Variants in DEF6 observed in about 807,000 individuals in gnomAD.
DEF6 encodes the protein DEF6 guanine nucleotide exchange factor, also known as differentially expressed in FDCP 6 homolog.
In DEF6, 32 loss-of-function variants were observed where a neutral mutation model predicts 80.5. The observed-to-expected ratio is 0.40, with a 90% CI of 0.30 to 0.53. The LOEUF (loss-of-function observed/expected upper bound fraction) is 0.53. Ranked by LOEUF, DEF6 falls within the 20% of genes least tolerant of loss-of-function variation. The probability of loss-of-function intolerance (pLI) is 0.57; values close to 1 mark genes in which losing one functional copy is unlikely to be tolerated. For synonymous variants in DEF6, 300 were observed against 337.9 expected (o/e 0.89, Z 1.23); for missense variants, 575 against 818.7 (o/e 0.70, Z 3.63).
intron 1 of DEF6, among the ~76,000 whole-genome samples, chr6:35,309,035 A>G (rs975359332): frequency 2.6e-5 from 4 of 152,092 alleles, no homozygotes; most frequent in African/African-American, 9.7e-5. Flanking sequence ...ACCATTTTTC[A>G]TGACCCTTCT....
chr6:35,317,930 G>T lies in DEF6; in HGVS notation c.847G>T (p.Val283Leu). Residue 283 changes from valine (V) to leucine (L), a missense_variant, in exon 6 of 11, where the codon GTG becomes TTG. Physicochemically the swap from Val to Leu is conservative, Grantham distance 32. Coordinates refer to ENST00000316637, the MANE Select transcript of DEF6 (RefSeq NM_022047.4). ...CGACGGAAAGCGCTGCATGTTCTGTGTGAAGACAGCCAACCGCACGTATGA... is the reference window on the plus strand; with the variant it reads ...CGACGGAAAGCGCTGCATGTTCTGTTTGAAGACAGCCAACCGCACGTATGA... ...DRDGKRCMFC[V>L]KTANRTYEMS... 1 of 1,614,032 alleles carries T rather than the reference G, an allele frequency of 6.2e-7. No homozygotes were observed. The highest frequency in any genetic ancestry group is 8.5e-7 in the Non-Finnish European group (1 of 1,180,006).
Position 35,318,432 on chromosome 6 carries a change from G to A in DEF6, c.1176G>A (p.Leu392=), listed in dbSNP as rs1321554688. The change falls in exon 7 of 11, where the codon CTG becomes CTA. Residue 392 remains leucine, a synonymous_variant. Coordinates refer to ENST00000316637, the MANE Select transcript of DEF6 (RefSeq NM_022047.4). The surrounding 1 kb of genome is among the most constrained non-coding windows in gnomAD (Gnocchi z 5.1). ...GGCGCCGCAGCCAGCACCGCGAGCT[G>A]CAGCAGGCGCTCGAGGGCCAACTGC... ...EERRRSQHRE[L]QQALEGQLRE... is the part of the protein sequence containing the mutation. 3 of 1,496,758 alleles carry A rather than the reference G, an allele frequency of 2.0e-6. No individual in the cohort carries two copies. In the African/African-American group the frequency reaches 4.3e-5, roughly 22 times the overall value. 92.7% of individuals were successfully genotyped at this position (1,496,758 alleles called of 1,614,324 possible).
In DEF6 at chr6:35,312,289, TCTC is replaced by T; in HGVS notation, c.424-10_424-8del. ...CCTGCTGCAGCTACCAGGCCTTCCT[TCTC>T]CTGCTCCAGGTGGAATACCTGCTGA... On this transcript the variant is annotated splice_polypyrimidine_tract_variant and intron_variant, in intron 3 of 10. Transcript: ENST00000316637. The surrounding 1 kb of genome is among the most constrained non-coding windows in gnomAD (Gnocchi z 6.6). 1.2e-6 allele frequency: 2 copies of T among 1,610,584 alleles called. No homozygotes were observed. The highest frequency in any genetic ancestry group is 2.2e-5 in the South Asian group (2 of 90,876).
In DEF6 at chr6:35,297,935, T is replaced by C; in HGVS notation, c.79T>C (p.Ser27Pro). 1 of 1,603,196 alleles carries C rather than the reference T, an allele frequency of 6.2e-7. No homozygotes were observed. Among genetic ancestry groups the C allele is most frequent in the Admixed American group, 1.7e-5 (1 of 58,148 alleles). ...ALDVEKSGKV[S>P]KSQLKVLSHN... ...GGACGTGGAGAAGAGTGGCAAAGTC[T>C]CCAAGTCCCAGCTCAAGGTGAGGGG... The change falls in exon 1 of 11, where the codon TCC becomes CCC. Residue 27 changes from serine (S) to proline (P), a missense_variant. Coordinates refer to ENST00000316637, the MANE Select transcript of DEF6 (RefSeq NM_022047.4).
At position 35,319,329 on chromosome 6, in the gene DEF6, C is replaced by T. The variant is rs1354855216; in HGVS notation, c.1216-195C>T. Among the ~76,000 whole-genome samples, 2 of 152,090 alleles carry T rather than the reference C, an allele frequency of 1.3e-5. No individual in the cohort carries two copies. The highest frequency in any genetic ancestry group is 2.1e-4 in the South Asian group (1 of 4,830). ...AAATAACTTGAGCCCGTTTCCCCCACGTGGCATCTGTTCACCGACCATTAT... is the reference window on the plus strand; with the variant it reads ...AAATAACTTGAGCCCGTTTCCCCCATGTGGCATCTGTTCACCGACCATTAT... On this transcript the variant is annotated intron_variant, in intron 7 of 10. Transcript: ENST00000316637. The surrounding 1 kb of genome is among the most constrained non-coding windows in gnomAD (Gnocchi z 4.5).
chr6:35,319,425 C>T lies in DEF6; in HGVS notation c.1216-99C>T. On this transcript the variant is annotated intron_variant, in intron 7 of 10. Coordinates refer to ENST00000316637, the MANE Select transcript of DEF6 (RefSeq NM_022047.4). The surrounding 1 kb of genome is among the most constrained non-coding windows in gnomAD (Gnocchi z 4.5). Reference sequence around the variant, plus strand: ...AACATGAAGGAGTTCCCCAGACCCTCACCCCTAGGCAGCTTAGCAACATGC... The same window carrying T: ...AACATGAAGGAGTTCCCCAGACCCTTACCCCTAGGCAGCTTAGCAACATGC... 3 of 858,948 alleles carry T rather than the reference C, an allele frequency of 3.5e-6. No individual in the cohort carries two copies. Among genetic ancestry groups the T allele is most frequent in the Non-Finnish European group, 5.4e-6 (3 of 554,178 alleles). 53.2% of individuals were successfully genotyped at this position (858,948 alleles called of 1,614,324 possible).
intron 1 of DEF6, 102 bp downstream of exon 1, chr6:35,298,054 A>AGT: frequency 9.6e-7 from 1 of 1,046,042 alleles, no homozygotes; most frequent in Non-Finnish European, 1.4e-6. Flanking sequence ...AGGGGCACCC[A>AGT]GCCATCCAGC....
In DEF6 at chr6:35,318,179, A is replaced by G. The variant is rs1292547505; in HGVS notation, c.923A>G (p.Gln308Arg). The G allele has an allele frequency of 1.3e-6, 2 of 1,561,550 alleles. No homozygotes were observed. The highest frequency in any genetic ancestry group is 1.7e-6 in the Non-Finnish European group (2 of 1,155,830). ...CGCTCCCGCTCTTCGGCAGCCATCC[A>G]GATGGCGATCCGGCTGCAGGCCGAG... The part of the protein sequence containing the change: ...RQRQEWTAAI[Q>R]MAIRLQAEGK... Residue 308 changes from glutamine to arginine, a missense_variant, in exon 7 of 11, where the codon CAG (glutamine) becomes CGG (arginine). Physicochemically the swap from Gln to Arg is conservative, Grantham distance 43. Coordinates refer to ENST00000316637, the MANE Select transcript of DEF6 (RefSeq NM_022047.4). This position sits in a 1 kb window ranked among gnomAD's most constrained non-coding sequence, Gnocchi z 5.1.
At chr6:35,321,045 G>A in intron 10 of DEF6, 71 bp downstream of exon 10, 1 of 1,577,010 alleles carries the variant, frequency 6.3e-7, no homozygotes. Flanking sequence ...GGTCTCCCTG[G>A]GAGACCTCCA....
At chr6:35,320,045 G>A (rs1306323260) in intron 9 of DEF6, 28 bp downstream of exon 9, 4 of 1,549,364 alleles carry the variant, frequency 2.6e-6, no homozygotes, top group South Asian at 1.2e-5. Context: ...ATGGGGTGGA[G>A]GCTGGCAGGG....
intron 2 of DEF6, 122 bp from the exon 3 acceptor site, chr6:35,310,337 A>G (rs767120802): frequency 3.0e-6 from 3 of 995,848 alleles, no homozygotes; most frequent in Non-Finnish European, 3.0e-6. Context: ...CCCTTGAGTT[A>G]GGGCCCTGGA....
Position 35,321,545 on chromosome 6 carries a change from A to G in DEF6, c.*135A>G, listed in dbSNP as rs1345406989. 2 of 765,156 alleles carry G rather than the reference A, an allele frequency of 2.6e-6. No individual in the cohort carries two copies. Among genetic ancestry groups the G allele is most frequent in the African/African-American group, 1.8e-5 (1 of 56,786 alleles). The allele number at this position is 765,156 out of a possible 1,614,324, so 47.4% of individuals were successfully genotyped here. A position where few individuals can be genotyped will look rare whatever the true frequency, so the allele number is the denominator to read the frequency against. ...CCAGGGGCCCAGGCCCTCCAACCATAAACAGTCCAGGATGGAACCTGGTTC... is the reference window on the plus strand; with the variant it reads ...CCAGGGGCCCAGGCCCTCCAACCATGAACAGTCCAGGATGGAACCTGGTTC... On this transcript the variant is annotated 3_prime_UTR_variant, in exon 11 of 11. Coordinates refer to ENST00000316637, the MANE Select transcript of DEF6 (RefSeq NM_022047.4).
Position 35,318,590 on chromosome 6 carries a change from T to TG in DEF6, c.1215+123dup. ...AGCTCCTGGGTTGAGGGGCGTGCAC[T>TG]GGGGTGGAGCTTGAAATGAGGGATT... On this transcript the variant is annotated intron_variant, in intron 7 of 10. Coordinates refer to ENST00000316637, the MANE Select transcript of DEF6 (RefSeq NM_022047.4). The surrounding 1 kb of genome is among the most constrained non-coding windows in gnomAD (Gnocchi z 5.1). 1.0e-6 allele frequency: 1 copy of TG among 974,376 alleles called. No individual in the cohort carries two copies. Among genetic ancestry groups the TG allele is most frequent in the Non-Finnish European group, 1.4e-6 (1 of 732,940 alleles). The allele number at this position is 974,376 out of a possible 1,614,324, so 60.4% of individuals were successfully genotyped here.
chr6:35,321,411 C>T lies in DEF6; in HGVS notation c.*1C>T, dbSNP rs149895210. Reference sequence around the variant, plus strand: ...ACTGGATCCAGCACCAGAAAATTAGCCTCTCTTAGCCCCTTGTTCTTCCCA... The same window carrying T: ...ACTGGATCCAGCACCAGAAAATTAGTCTCTCTTAGCCCCTTGTTCTTCCCA... On this transcript the variant is annotated 3_prime_UTR_variant, in exon 11 of 11. Transcript: ENST00000316637. The T allele has an allele frequency of 2.4e-4, 388 of 1,612,364 alleles. No individual in the cohort carries two copies. Among genetic ancestry groups the T allele is most frequent in the Non-Finnish European group, 2.0e-4 (231 of 1,178,746 alleles).
chr6:35,301,812 C>T (rs1242146289), intron 1 of DEF6, among the ~76,000 whole-genome samples: 2 of 151,384 alleles, frequency 1.3e-5, no homozygotes, highest in Admixed American at 6.6e-5. Flanking sequence ...CTGCAACCTC[C>T]ACCTCCCAGG....
Position 35,309,714 on chromosome 6 carries a change from C to T in DEF6, c.141C>T (p.Asp47=). Residue 47 remains aspartate, a synonymous_variant, in exon 2 of 11, where the codon GAC becomes GAT. Coordinates refer to ENST00000316637, the MANE Select transcript of DEF6 (RefSeq NM_022047.4). ...ACACGGTCCTGCACATCCCCCATGA[C>T]CCCGTGGCCCTGGAGGAACACTTCC... ...NLYTVLHIPH[D]PVALEEHFRD... 1 of 1,614,054 alleles carries T rather than the reference C, an allele frequency of 6.2e-7. No individual in the cohort carries two copies. Among genetic ancestry groups the T allele is most frequent in the Non-Finnish European group, 8.5e-7 (1 of 1,180,006 alleles).
At chr6:35,309,578 GGGTGAGGACAAGCAGA>G in intron 1 of DEF6, 76 bp from the exon 2 acceptor site, 1 of 1,463,030 alleles carries the variant, frequency 6.8e-7, no homozygotes, top group Non-Finnish European at 9.4e-7. Context: ...AGCCAGGATG[GGGTGAGGACAAGCAGA>G]GAGGTGGGGA....
At chr6:35,317,847 A>G in intron 5 of DEF6, 44 bp from the exon 6 acceptor site, 4 of 1,565,326 alleles carry the variant, frequency 2.6e-6, no homozygotes, top group Non-Finnish European at 3.5e-6. Flanking sequence ...TGGGGCCCTG[A>G]CCCAGTGAGG....
chr6:35,305,983 C>G (rs993821142), intron 1 of DEF6, among the ~76,000 whole-genome samples: 4 of 151,998 alleles, frequency 2.6e-5, no homozygotes, highest in African/African-American at 9.7e-5. Flanking sequence ...ACCTCTGCCT[C>G]CTGGGTTCAA....
Sources: gnomAD v4.1 joint callset for allele counts (sites outside exome capture counted in the v4.1 genomes callset) on GRCh38, gnomAD v4.1.1 for gene constraint, Gnocchi (gnomAD v3.1) non-coding constraint, MANE v1.5 for transcripts, NCBI Gene and HGNC (gene_info 2026-07-23, HGNC 2026-07-21) for gene names.